The following ULK4 variants were observed in gnomAD, a reference collection of about 807,000 sequenced individuals.
The protein encoded by ULK4 is inactive serine/threonine-protein kinase ULK4.
In ULK4, 133 loss-of-function variants were observed where a neutral mutation model predicts 160.6. That is an observed-to-expected ratio of 0.83 (90% confidence interval 0.72 to 0.96). The LOEUF (loss-of-function observed/expected upper bound fraction) is 0.96, where lower values mean the gene tolerates loss of function less well. Ranked by LOEUF, ULK4 falls within the 40% of genes least tolerant of loss-of-function variation. The pLI is 0.00. For synonymous variants in ULK4, 534 were observed against 539.8 expected (o/e 0.99, Z 0.15); for missense variants, 1,580 against 1,499.5 (o/e 1.05, Z -0.89).
chr3:41,770,171 T>C (rs1049829500), intron 21 of ULK4, among the ~76,000 whole-genome samples: 5 of 152,230 alleles, frequency 3.3e-5, no homozygotes, highest in African/African-American at 1.2e-4. Context: ...ATATTTTAAA[T>C]GCTTGATTAA....
At chr3:41,704,057 T>C (rs1473243093) in intron 27 of ULK4, among the ~76,000 whole-genome samples, 3 of 152,228 alleles carry the variant, frequency 2.0e-5, no homozygotes, top group African/African-American at 7.2e-5. Flanking sequence ...TATTCATTAT[T>C]ACAGGCAATT....
At chr3:41,299,472 A>G (rs981377863) in intron 35 of ULK4, among the ~76,000 whole-genome samples, 9 of 152,220 alleles carry the variant, frequency 5.9e-5, no homozygotes, top group South Asian at 2.1e-4. Flanking sequence ...GATTCAACCA[A>G]TAAAATCCCA....
chr3:41,261,045 C>T (rs922923205), intron 35 of ULK4, among the ~76,000 whole-genome samples: 1 of 152,114 alleles, frequency 6.6e-6, no homozygotes, highest in African/African-American at 2.4e-5. Context: ...AGCGATGAGT[C>T]TCCATGTGGT....
At chr3:41,729,208 G>A (rs1297183738) in intron 22 of ULK4, among the ~76,000 whole-genome samples, 1 of 152,060 alleles carries the variant, frequency 6.6e-6, no homozygotes, top group African/African-American at 2.4e-5. Context: ...TCCCCAATTG[G>A]GATCAACTCG....
At chr3:41,681,206 T>A (rs897090016) in intron 29 of ULK4, among the ~76,000 whole-genome samples, 10 of 152,130 alleles carry the variant, frequency 6.6e-5, no homozygotes, top group Admixed American at 3.3e-4. Flanking sequence ...AGACCTTGAA[T>A]CATAACCCTC....
chr3:41,313,375 T>C (rs993733487), intron 35 of ULK4, among the ~76,000 whole-genome samples: 2 of 152,242 alleles, frequency 1.3e-5, no homozygotes, highest in Non-Finnish European at 2.9e-5. Context: ...GTAATAAATT[T>C]AGTGCTTACT....
chr3:41,830,305 G>C (rs77602352), intron 18 of ULK4, among the ~76,000 whole-genome samples: 1 of 151,256 alleles, frequency 6.6e-6, no homozygotes, highest in South Asian at 2.1e-4. Flanking sequence ...ATTTAAAAAA[G>C]GTATATACCA....
intron 35 of ULK4, among the ~76,000 whole-genome samples, chr3:41,390,814 G>A (rs966738329): frequency 3.3e-5 from 5 of 152,008 alleles, no homozygotes; most frequent in East Asian, 1.9e-4. Context: ...GAATAGGTGC[G>A]GTGTGGTGCT....
chr3:41,479,601 AC>A (rs1553678570), intron 32 of ULK4, among the ~76,000 whole-genome samples: 1 of 152,096 alleles, frequency 6.6e-6, no homozygotes, highest in Non-Finnish European at 1.5e-5. Context: ...AATGAGAAAG[AC>A]TTGCAGGTGG....
intron 32 of ULK4, among the ~76,000 whole-genome samples, chr3:41,509,504 T>C (rs1575330435): frequency 6.6e-6 from 1 of 152,114 alleles, no homozygotes; most frequent in Non-Finnish European, 1.5e-5. Flanking sequence ...AGGAAGATCA[T>C]CACCTTGGCA....
intron 27 of ULK4, among the ~76,000 whole-genome samples, chr3:41,699,121 T>C (rs1405413630): frequency 6.6e-6 from 1 of 152,172 alleles, no homozygotes; most frequent in East Asian, 1.9e-4. Context: ...GAAGTAAAAT[T>C]GCTGAGTCAC....
intron 35 of ULK4, among the ~76,000 whole-genome samples, chr3:41,268,499 G>C (rs1257144743): frequency 6.6e-6 from 1 of 152,130 alleles, no homozygotes; most frequent in Non-Finnish European, 1.5e-5. Flanking sequence ...GGTTCTGGCA[G>C]ACTACCCTTA....
At chr3:41,553,831 C>A (rs1044042836) in intron 32 of ULK4, among the ~76,000 whole-genome samples, 4 of 152,004 alleles carry the variant, frequency 2.6e-5, no homozygotes, top group Admixed American at 1.3e-4. Flanking sequence ...TATAAAAAAT[C>A]GAATTATACT....
chr3:41,696,643 A>G (rs968348943), intron 27 of ULK4, among the ~76,000 whole-genome samples: 1 of 152,186 alleles, frequency 6.6e-6, no homozygotes, highest in Non-Finnish European at 1.5e-5. Flanking sequence ...ACACGGCAAG[A>G]AAAACCCACC....
chr3:41,881,284 TAAAAAAAAAAAAAAAA>T (rs58977381), intron 17 of ULK4, among the ~76,000 whole-genome samples: 3 of 126,278 alleles, frequency 2.4e-5, no homozygotes, highest in African/African-American at 7.3e-5. Context: ...CAGAAACTTC[TAAAAAAAAAAAAAAAA>T]AAAAAAAAAA....
chr3:41,323,889 T>C (rs61180402), intron 35 of ULK4, among the ~76,000 whole-genome samples: 38,513 of 152,144 alleles, frequency 0.25, 5,168 homozygotes, highest in African/African-American at 0.34. Flanking sequence ...TCCCCTTTTT[T>C]GTGAATGGCA....
chr3:41,379,203 TA>T (rs36089027), intron 35 of ULK4, among the ~76,000 whole-genome samples: 24,761 of 147,958 alleles, frequency 0.17, 2,188 homozygotes, highest in African/African-American at 0.22. Flanking sequence ...TTAAAGTATT[TA>T]AAAAAAAAAT....
At chr3:41,271,986 G>C (rs924471491) in intron 35 of ULK4, among the ~76,000 whole-genome samples, 1 of 151,948 alleles carries the variant, frequency 6.6e-6, no homozygotes, top group Non-Finnish European at 1.5e-5. Context: ...GCATGATCGC[G>C]GCTCACTGCA....
intron 18 of ULK4, among the ~76,000 whole-genome samples, chr3:41,824,253 G>C (rs1351143373): frequency 1.3e-5 from 2 of 151,944 alleles, no homozygotes; most frequent in Non-Finnish European, 2.9e-5. Context: ...GCAGACGATG[G>C]GTGATTTCTG....
Sources: gnomAD v4.1 joint callset for allele counts (sites outside exome capture counted in the v4.1 genomes callset) on GRCh38, gnomAD v4.1.1 for gene constraint, MANE v1.5 for transcripts, NCBI Gene and HGNC (gene_info 2026-07-23, HGNC 2026-07-21) for gene names.